The following COL5A2 variants were observed in gnomAD, a reference collection of about 807,000 sequenced individuals.
COL5A2 encodes collagen type V alpha 2 chain.
COL5A2 carries 23 observed loss-of-function variants against 208.2 expected under a neutral mutation model. That is an observed-to-expected ratio of 0.11 (90% CI 0.08 to 0.16). The LOEUF (loss-of-function observed/expected upper bound fraction) is 0.16. Ranked by LOEUF, COL5A2 falls within the 10% of genes least tolerant of loss-of-function variation. COL5A2 has a pLI of 1.00. For missense variants in COL5A2, 1,590 were observed against 1,956.4 expected, an observed-to-expected ratio of 0.81 and a Z score of 3.53; for synonymous variants, 625 against 628.5, an observed-to-expected ratio of 0.99 and a Z score of 0.08.
At chr2:189,152,835 C>A (rs1179270949) in intron 1 of COL5A2, among the ~76,000 whole-genome samples, 1 of 151,978 alleles carries the variant, frequency 6.6e-6, no homozygotes, top group African/African-American at 2.4e-5. Context: ...AAAGATCTCA[C>A]CAAGATGTGA....
chr2:189,133,915 C>T (rs974822995), intron 1 of COL5A2, among the ~76,000 whole-genome samples: 3 of 152,088 alleles, frequency 2.0e-5, no homozygotes, highest in African/African-American at 7.2e-5. Context: ...GGAAGACATA[C>T]ATGAAATCGC....
intron 1 of COL5A2, among the ~76,000 whole-genome samples, chr2:189,131,290 G>A (rs887366990): frequency 2.6e-5 from 4 of 152,128 alleles, no homozygotes; most frequent in Non-Finnish European, 5.9e-5. Context: ...TAAGTGAATT[G>A]TAAAGTTCAT....
the COL5A2 span, among the ~76,000 whole-genome samples, chr2:189,258,871 C>T: frequency 1.3e-5 from 2 of 152,158 alleles, no homozygotes; most frequent in Non-Finnish European, 2.9e-5. Flanking sequence ...GGCAAATTAC[C>T]AGGCACCCAG....
At chr2:189,437,862 G>C in the COL5A2 span, among the ~76,000 whole-genome samples, 1 of 152,270 alleles carries the variant, frequency 6.6e-6, no homozygotes, top group Admixed American at 6.5e-5. Flanking sequence ...ATGCAGGGTA[G>C]TGGTGTGAAA....
the COL5A2 span, among the ~76,000 whole-genome samples, chr2:189,427,539 C>T: frequency 1.3e-5 from 2 of 152,048 alleles, no homozygotes; most frequent in South Asian, 2.1e-4. Context: ...TCCTTCAGAC[C>T]CCAGAATTGT....
At chr2:189,165,282 C>A (rs969355190) in intron 1 of COL5A2, among the ~76,000 whole-genome samples, 1 of 151,610 alleles carries the variant, frequency 6.6e-6, no homozygotes, top group Admixed American at 6.6e-5. Flanking sequence ...ACAAACCTGC[C>A]CAAAGGGAAA....
intron 1 of COL5A2, among the ~76,000 whole-genome samples, chr2:189,131,257 T>A (rs1182311072): frequency 6.6e-6 from 1 of 152,136 alleles, no homozygotes; most frequent in Non-Finnish European, 1.5e-5. Context: ...CTTTCTTGGG[T>A]TACCGGAAAT....
chr2:189,385,207 G>A, the COL5A2 span, among the ~76,000 whole-genome samples: 1 of 152,086 alleles, frequency 6.6e-6, no homozygotes, highest in Non-Finnish European at 1.5e-5. Flanking sequence ...CTGATGATAT[G>A]ATTCTATACT....
At chr2:189,099,774 G>A (rs1282005874) in intron 4 of COL5A2, among the ~76,000 whole-genome samples, 1 of 152,170 alleles carries the variant, frequency 6.6e-6, no homozygotes, top group African/African-American at 2.4e-5. Context: ...CAGGATCAGG[G>A]CATGATGTAT....
the COL5A2 span, among the ~76,000 whole-genome samples, chr2:189,414,016 T>G: frequency 1.3e-5 from 2 of 152,058 alleles, no homozygotes; most frequent in Non-Finnish European, 1.5e-5. Flanking sequence ...GGTCTGGAAC[T>G]CCTAACCTCA....
the COL5A2 span, among the ~76,000 whole-genome samples, chr2:189,342,589 A>T: frequency 1.3e-5 from 2 of 150,232 alleles, no homozygotes; most frequent in Non-Finnish European, 3.0e-5. Context: ...CCAACCCCAA[A>T]TTTTTTTCTA....
the COL5A2 span, among the ~76,000 whole-genome samples, chr2:189,331,202 T>A: frequency 6.6e-6 from 1 of 152,036 alleles, no homozygotes; most frequent in Admixed American, 6.6e-5. Flanking sequence ...GCAGATTGAA[T>A]GTGGGAAGGA....
chr2:189,059,390 T>A (rs1685971206), intron 31 of COL5A2, among the ~76,000 whole-genome samples: 1 of 151,950 alleles, frequency 6.6e-6, no homozygotes. Context: ...AGTGCAGTCA[T>A]GTCTAAATTA....
chr2:189,233,334 T>A, the COL5A2 span, among the ~76,000 whole-genome samples: 2 of 151,752 alleles, frequency 1.3e-5, no homozygotes, highest in Non-Finnish European at 2.9e-5. Context: ...AAATCAAAGC[T>A]ACATGTAGCC....
intron 49 of COL5A2, among the ~76,000 whole-genome samples, chr2:189,042,338 T>C (rs1685578494): frequency 6.6e-6 from 1 of 152,296 alleles, no homozygotes; most frequent in African/African-American, 2.4e-5. Context: ...TGAGGAACTA[T>C]CACTATTACT....
At chr2:189,194,356 A>G (rs976011551) in intron 1 of COL5A2, among the ~76,000 whole-genome samples, 1 of 152,232 alleles carries the variant, frequency 6.6e-6, no homozygotes, top group African/African-American at 2.4e-5. Context: ...CATTTGACTA[A>G]CAAACCCACT....
At position 189,124,976 on chromosome 2, in the gene COL5A2, C is replaced by T. The variant is rs533604200; in HGVS notation, c.98-14527G>A. Among the ~76,000 whole-genome samples the T allele has an allele frequency of 5.3e-5, 8 of 152,140 alleles. No homozygotes were observed. The South Asian group carries it at 1.7e-3, about 32-fold the overall frequency. ...ATTCTAAGTATGATCCATTTGCATA[C>T]TGATTTAATGGCAGATAACTGAGTG... On this transcript the variant is annotated intron_variant, in intron 1 of 53. Transcript: ENST00000374866.
the COL5A2 span, among the ~76,000 whole-genome samples, chr2:189,323,575 C>A: frequency 2.4e-4 from 37 of 152,246 alleles, no homozygotes; most frequent in Admixed American, 2.0e-3. Flanking sequence ...TTCACATTTG[C>A]TTCAAAGAGA....
At chr2:189,271,296 G>C in the COL5A2 span, among the ~76,000 whole-genome samples, 1 of 152,104 alleles carries the variant, frequency 6.6e-6, no homozygotes, top group South Asian at 2.1e-4. Flanking sequence ...AATGGTACTA[G>C]TACCAACACA....
Sources: allele counts gnomAD v4.1 joint callset (sites outside exome capture counted in the v4.1 genomes callset), GRCh38; gene constraint gnomAD v4.1.1; transcripts MANE v1.5; gene names NCBI Gene and HGNC (gene_info 2026-07-23, HGNC 2026-07-21).